EPB41L3: variants seen among roughly 807,000 people sequenced by gnomAD.
The protein encoded by EPB41L3 is erythrocyte membrane protein band 4.1 like 3, also known as band 4.1-like protein 3.
In EPB41L3, 57 loss-of-function variants were observed where a neutral mutation model predicts 127.1. The ratio of observed to expected loss-of-function variants is 0.45; its 90% CI spans 0.36 to 0.56. The LOEUF (loss-of-function observed/expected upper bound fraction) is 0.56, where lower values mean the gene tolerates loss of function less well. Among genes scored for constraint, EPB41L3 ranks in the 20% least tolerant of loss-of-function variants. EPB41L3 has a pLI of 0.00. For synonymous variants in EPB41L3, 572 were observed against 549.5 expected (o/e 1.04, Z -0.57); for missense variants, 1,273 against 1,372.2 (o/e 0.93, Z 1.14).
At chr18:5,460,485 G>A (rs998386357) in intron 3 of EPB41L3, among the ~76,000 whole-genome samples, 4 of 152,158 alleles carry the variant, frequency 2.6e-5, no homozygotes, top group African/African-American at 9.7e-5. Context: ...GTATTTGTAC[G>A]TGTGTGTATG....
chr18:5,542,979 C>A (rs1200900773), intron 1 of EPB41L3, among the ~76,000 whole-genome samples: 1 of 152,108 alleles, frequency 6.6e-6, no homozygotes, highest in African/African-American at 2.4e-5. Context: ...CGGTCCGAAG[C>A]CCTAGCCTCC....
intron 11 of EPB41L3, 156 bp from the exon 12 acceptor site, chr18:5,420,033 A>C (rs1171436609): frequency 1.7e-5 from 25 of 1,446,030 alleles, no homozygotes; most frequent in Non-Finnish European, 2.3e-5. Flanking sequence ...AAATACCAAC[A>C]CAAAATACCA....
At chr18:5,564,834 T>C (rs552648024) in intron 3 of EPB41L3, among the ~76,000 whole-genome samples, 8 of 152,118 alleles carry the variant, frequency 5.3e-5, no homozygotes, top group Admixed American at 4.6e-4. Flanking sequence ...CGATGAAGGC[T>C]TGTGTATTGA....
chr18:5,602,363 G>A (rs1269832751), intron 3 of EPB41L3, among the ~76,000 whole-genome samples: 2 of 152,136 alleles, frequency 1.3e-5, no homozygotes, highest in Non-Finnish European at 2.9e-5. Flanking sequence ...GCCTACTTGT[G>A]GCACAATACC....
intron 13 of EPB41L3, among the ~76,000 whole-genome samples, chr18:5,414,846 G>A (rs1163453499): frequency 6.6e-6 from 1 of 152,174 alleles, no homozygotes; most frequent in Non-Finnish European, 1.5e-5. Flanking sequence ...AAAAACTACT[G>A]GCTACCATGT....
intron 3 of EPB41L3, among the ~76,000 whole-genome samples, chr18:5,468,523 G>C (rs1004316103): frequency 6.6e-6 from 1 of 152,194 alleles, no homozygotes; most frequent in East Asian, 1.9e-4. Context: ...TGACCTGCTA[G>C]GGGACAGGAG....
At position 5,416,201 on chromosome 18, in the gene EPB41L3, C is replaced by T. The variant is rs539490874; in HGVS notation, c.1684G>A (p.Gly562Arg). The T allele has an allele frequency of 6.2e-7, 1 of 1,614,130 alleles. No homozygotes were observed. Among genetic ancestry groups the T allele is most frequent in the South Asian group, 1.1e-5 (1 of 91,078 alleles). Reference sequence around the variant, plus strand: ...TCTTGATCCCCTAGGTAAGGCCTCCCTGGGCCATCAGAGTCCAAGGCGGGC... The same window carrying T: ...TCTTGATCCCCTAGGTAAGGCCTCCTTGGGCCATCAGAGTCCAAGGCGGGC... Reference protein sequence around the residue: ...GEPALDSDGPGRPYLGDQDVA... With the variant: ...GEPALDSDGPRRPYLGDQDVA... Residue 562 changes from glycine (G) to arginine (R), a missense_variant, in exon 13 of 23, where the codon GGG becomes AGG. Physicochemically the swap from Gly to Arg is moderately radical, Grantham distance 125 (BLOSUM62 -2). Transcript: ENST00000341928.
intron 1 of EPB41L3, among the ~76,000 whole-genome samples, chr18:5,618,353 G>C (rs993934767): frequency 5.3e-5 from 8 of 152,172 alleles, no homozygotes; most frequent in Admixed American, 4.6e-4. Flanking sequence ...TATTCAGAAA[G>C]AGAGTGCCAA....
At position 5,464,039 on chromosome 18, in the gene EPB41L3, C is replaced by G. The variant is rs75066689; in HGVS notation, c.381+14202G>C. Among the ~76,000 whole-genome samples the G allele has an allele frequency of 1.3e-3, 203 of 152,268 alleles. 5 individuals carry two copies. In the East Asian group the frequency reaches 0.036, roughly 27 times the overall value. On this transcript the variant is annotated intron_variant, in intron 3 of 22. Transcript: ENST00000341928. ...TCCTGCCCATGGGTCCCAGGGCTTT[C>G]CACTCCAGCTCATTTCCTGCCCATG...
intron 3 of EPB41L3, among the ~76,000 whole-genome samples, chr18:5,565,705 G>A (rs184016183): frequency 7.0e-6 from 1 of 143,494 alleles, no homozygotes; most frequent in Admixed American, 7.5e-5. Context: ...ATCTATGAGT[G>A]AGAACATGCA....
upstream of EPB41L3, among the ~76,000 whole-genome samples, chr18:5,630,053 G>A (rs920175290): frequency 6.6e-6 from 1 of 152,198 alleles, no homozygotes; most frequent in Admixed American, 6.5e-5. Context: ...GGTTCGCAGA[G>A]GCGCCGCGCC....
intron 15 of EPB41L3, 137 bp downstream of exon 15, chr18:5,407,564 A>G (rs2075608559): frequency 3.7e-6 from 3 of 820,434 alleles, no homozygotes; most frequent in East Asian, 2.6e-5. Flanking sequence ...AACAAATGCC[A>G]ACCTACACAC....
At chr18:5,434,640 T>G (rs186350277) in intron 6 of EPB41L3, among the ~76,000 whole-genome samples, 44 of 152,338 alleles carry the variant, frequency 2.9e-4, no homozygotes, top group African/African-American at 1.0e-3. Context: ...GCTATCTTAA[T>G]GTCATAGCCT....
rs754921773 is a variant in EPB41L3, at chr18:5,568,289, G to A, written c.-306+44051C>T. On this transcript the variant is annotated intron_variant, in intron 3 of 21. Transcript: ENST00000545076. ...GAACTTAAAAATGTGCATGCAGTAC[G>A]TAGGTTTTCAGTGTTGTTTAGGTGG... Among the ~76,000 whole-genome samples the A allele has an allele frequency of 7.2e-5, 11 of 152,100 alleles. No individual in the cohort carries two copies. The South Asian group carries it at 1.0e-3, about 14-fold the overall frequency.
At chr18:5,398,706 G>T in intron 16 of EPB41L3, 1 of 399,364 alleles carries the variant, frequency 2.5e-6, no homozygotes, top group Non-Finnish European at 4.4e-6. Flanking sequence ...AACGGTAAAG[G>T]CTGGTTCCTG....
rs536202997 is a variant in EPB41L3 at position 5,575,603 on chromosome 18, G to A, written c.-306+36737C>T. On this transcript the variant is annotated intron_variant, in intron 3 of 21. Transcript: ENST00000545076. ...TGTAATCCCAGCACTTTGGGAGGCC[G>A]AGGTGGGTGGATCACCTGAGGTCAG... 1.9e-3 allele frequency among the ~76,000 whole-genome samples: 282 copies of A among 152,176 alleles called. 1 individual carries two copies. The highest frequency in any genetic ancestry group is 3.0e-3 in the Non-Finnish European group (203 of 68,002).
chr18:5,568,993 T>C (rs1378667464), intron 3 of EPB41L3, among the ~76,000 whole-genome samples: 1 of 152,228 alleles, frequency 6.6e-6, no homozygotes, highest in Non-Finnish European at 1.5e-5. Context: ...TAAGGAACAT[T>C]TCTATCAATA....
At chr18:5,433,095 G>C (rs2079219141) in intron 8 of EPB41L3, among the ~76,000 whole-genome samples, 1 of 152,160 alleles carries the variant, frequency 6.6e-6, no homozygotes. Context: ...AGTCTGATGG[G>C]AGCAAAGGTT....
chr18:5,611,198 T>C (rs2094721058), intron 3 of EPB41L3, among the ~76,000 whole-genome samples: 1 of 152,200 alleles, frequency 6.6e-6, no homozygotes, highest in Admixed American at 6.5e-5. Context: ...TGCATGCACA[T>C]GTACACAGTA....
Sources: allele counts gnomAD v4.1 joint callset (sites outside exome capture counted in the v4.1 genomes callset), GRCh38; gene constraint gnomAD v4.1.1; transcripts MANE v1.5; gene names NCBI Gene and HGNC (gene_info 2026-07-23, HGNC 2026-07-21).